Variants in TMEM181 observed in about 807,000 individuals in gnomAD.
TMEM181 encodes G protein-coupled receptor 178.
A neutral mutation model predicts 71.9 loss-of-function variants in TMEM181; 39 were observed. The ratio of observed to expected loss-of-function variants is 0.54; its 90% CI spans 0.42 to 0.71. The LOEUF (loss-of-function observed/expected upper bound fraction) is 0.71, where lower values mean the gene tolerates loss of function less well. Among genes scored for constraint, TMEM181 ranks in the 30% least tolerant of loss-of-function variants. The pLI, the probability that TMEM181 is intolerant of heterozygous loss-of-function variation, is 0.00. For missense variants in TMEM181, 595 were observed against 583.0 expected (o/e 1.02, Z -0.21); for synonymous variants, 245 against 228.8 (o/e 1.07, Z -0.64).
chr6:158,543,779 C>T (rs1352754461), intron 1 of TMEM181, among the ~76,000 whole-genome samples: 1 of 152,204 alleles, frequency 6.6e-6, no homozygotes, highest in Non-Finnish European at 1.5e-5. Flanking sequence ...AATAAGGCCA[C>T]GTTCACAGGC....
chr6:158,582,904 C>T (rs745818614), intron 3 of TMEM181, among the ~76,000 whole-genome samples: 2 of 152,116 alleles, frequency 1.3e-5, no homozygotes, highest in Non-Finnish European at 2.9e-5. Context: ...AAATAGCAGA[C>T]GTCAAAGAGC....
chr6:158,547,510 C>T (rs1781564634), intron 1 of TMEM181, among the ~76,000 whole-genome samples: 1 of 152,202 alleles, frequency 6.6e-6, no homozygotes, highest in Admixed American at 6.5e-5. Context: ...CATGCTTACG[C>T]CACCCATTCA....
intron 10 of TMEM181, 47 bp from the exon 11 acceptor site, chr6:158,623,503 G>A (rs1173240720): frequency 3.2e-6 from 4 of 1,244,858 alleles, no homozygotes; most frequent in African/African-American, 3.1e-5. Flanking sequence ...AAAATAAAAA[G>A]TAAAGGTAGT....
At position 158,631,937 on chromosome 6, in the gene TMEM181, G is replaced by A; in HGVS notation, c.*49G>A. On this transcript the variant is annotated 3_prime_UTR_variant, in exon 17 of 17. Transcript: ENST00000684151. ...ACAAGATGCCTGGATGCTTTCCCCGGTGACCGTCTGCTGACCTTCCCCTGT... is the reference window on the plus strand; with the variant it reads ...ACAAGATGCCTGGATGCTTTCCCCGATGACCGTCTGCTGACCTTCCCCTGT... The A allele has an allele frequency of 6.7e-7, 1 of 1,503,104 alleles. No individual in the cohort carries two copies. The highest frequency in any genetic ancestry group is 9.1e-7 in the Non-Finnish European group (1 of 1,102,700). 93.1% of individuals were successfully genotyped at this position (1,503,104 alleles called of 1,614,324 possible).
chr6:158,570,493 G>T (rs527711422), intron 1 of TMEM181, among the ~76,000 whole-genome samples: 5 of 151,716 alleles, frequency 3.3e-5, no homozygotes, highest in South Asian at 4.2e-4. Context: ...CGCCCGCCTT[G>T]GCCTCCCAAA....
intron 15 of TMEM181, 39 bp downstream of exon 15, chr6:158,629,858 G>A (rs568848781): frequency 4.4e-5 from 67 of 1,522,538 alleles, no homozygotes; most frequent in Middle Eastern, 1.7e-4. Context: ...GCCAGTTAGC[G>A]GGCACAGAGG....
chr6:158,623,256 C>T (rs1242170825), intron 10 of TMEM181, among the ~76,000 whole-genome samples: 1 of 152,150 alleles, frequency 6.6e-6, no homozygotes, highest in Non-Finnish European at 1.5e-5. Context: ...ACTGGAAAAA[C>T]AGCTCTTAAA....
intron 1 of TMEM181, among the ~76,000 whole-genome samples, chr6:158,538,193 C>T (rs1781201457): frequency 7.0e-6 from 1 of 142,036 alleles, no homozygotes; most frequent in Non-Finnish European, 1.5e-5. Context: ...CTTGCCCTGT[C>T]GCCCAGGCTG....
At chr6:158,597,297 A>G (rs1784433600) in intron 6 of TMEM181, among the ~76,000 whole-genome samples, 1 of 152,232 alleles carries the variant, frequency 6.6e-6, no homozygotes, top group Non-Finnish European at 1.5e-5. Flanking sequence ...ACTGTACACC[A>G]CACACCGGGT....
intron 13 of TMEM181, chr6:158,626,321 G>T: frequency 2.2e-6 from 1 of 452,512 alleles, no homozygotes; most frequent in Non-Finnish European, 4.4e-6. Context: ...CTGGGAAGTT[G>T]TTTATTTGAA....
chr6:158,576,328 C>T (rs1783152321), intron 2 of TMEM181, among the ~76,000 whole-genome samples: 1 of 152,182 alleles, frequency 6.6e-6, no homozygotes, highest in Non-Finnish European at 1.5e-5. Context: ...AGATAGTAGG[C>T]ATCTGTGCTC....
chr6:158,601,762 A>G (rs1784682350), intron 6 of TMEM181, among the ~76,000 whole-genome samples: 1 of 151,570 alleles, frequency 6.6e-6, no homozygotes, highest in Non-Finnish European at 1.5e-5. Flanking sequence ...GTCTCAGAAA[A>G]AAAAAAAAAA....
At chr6:158,560,079 T>TC, upstream of TMEM181, 5 of 984,690 alleles carry the variant, frequency 5.1e-6, no homozygotes, top group Non-Finnish European at 6.0e-6. Flanking sequence ...GATCTCGGCG[T>TC]CGCGCTCTGA....
intron 10 of TMEM181, chr6:158,610,188 G>A: frequency 4.4e-6 from 1 of 227,184 alleles, no homozygotes. Flanking sequence ...TGCACTTGTA[G>A]GAGTAATTGA....
intron 3 of TMEM181, among the ~76,000 whole-genome samples, chr6:158,582,211 C>G (rs544181473): frequency 1.3e-5 from 2 of 152,120 alleles, no homozygotes; most frequent in Non-Finnish European, 2.9e-5. Flanking sequence ...GAGGTGCCGC[C>G]GTGGGCTTTC....
rs746242638 is a variant in TMEM181, at chr6:158,580,954, C to G, written c.127C>G (p.Gln43Glu). 2 of 1,608,900 alleles carry G rather than the reference C, an allele frequency of 1.2e-6. No homozygotes were observed. Among genetic ancestry groups the G allele is most frequent in the South Asian group, 1.1e-5 (1 of 90,800 alleles). The change falls in exon 3 of 17, where the codon CAG becomes GAG. Residue 43 changes from glutamine (Q) to glutamate (E), a missense_variant. Coordinates refer to ENST00000684151, the MANE Select transcript of TMEM181 (RefSeq NM_001376852.1). ...FVGIRGPKVI[Q>E]TSAANFSLNN... Reference sequence around the variant, plus strand: ...TTACACTTTAGGACCTAAAGTGATCCAGACTTCTGCGGCTAATTTTTCACT... The same window carrying G: ...TTACACTTTAGGACCTAAAGTGATCGAGACTTCTGCGGCTAATTTTTCACT...
chr6:158,597,834 C>T (rs1434036029), intron 6 of TMEM181, among the ~76,000 whole-genome samples: 1 of 152,102 alleles, frequency 6.6e-6, no homozygotes, highest in Non-Finnish European at 1.5e-5. Context: ...GGTGCAAATC[C>T]ATTCATGGGG....
chr6:158,555,457 AAGCAGT>A (rs1781850308), upstream of TMEM181, among the ~76,000 whole-genome samples: 1 of 152,216 alleles, frequency 6.6e-6, no homozygotes, highest in Non-Finnish European at 1.5e-5. Context: ...GGAATGCCAT[AAGCAGT>A]GAGTTTTATC....
chr6:158,617,332 C>T (rs779128690), intron 10 of TMEM181, among the ~76,000 whole-genome samples: 1 of 151,702 alleles, frequency 6.6e-6, no homozygotes, highest in African/African-American at 2.4e-5. Flanking sequence ...TGGTGATATC[C>T]CCTTCATCAT....
Sources: allele counts gnomAD v4.1 joint callset (sites outside exome capture counted in the v4.1 genomes callset), GRCh38; gene constraint gnomAD v4.1.1; transcripts MANE v1.5; gene names NCBI Gene and HGNC (gene_info 2026-07-23, HGNC 2026-07-21).